TASP1: variants seen among roughly 807,000 people sequenced by gnomAD.
TASP1 encodes threonine aspartase 1.
In TASP1, 16 loss-of-function variants were observed where a neutral mutation model predicts 56.6. That is an observed-to-expected ratio of 0.28 (90% CI 0.19 to 0.43). The LOEUF is 0.43. Among genes scored for constraint, TASP1 ranks in the 20% least tolerant of loss-of-function variants. The probability of loss-of-function intolerance (pLI) is 1.00; values close to 1 mark genes in which losing one functional copy is unlikely to be tolerated. For missense variants in TASP1, 393 were observed against 511.6 expected, an observed-to-expected ratio of 0.77 and a Z score of 2.24; for synonymous variants, 179 against 184.2, an observed-to-expected ratio of 0.97 and a Z score of 0.23.
At chr20:13,557,109 T>C (rs1234346894) in intron 8 of TASP1, among the ~76,000 whole-genome samples, 1 of 152,176 alleles carries the variant, frequency 6.6e-6, no homozygotes, top group Non-Finnish European at 1.5e-5. Flanking sequence ...GTGAAACTCC[T>C]ATATATAAAA....
chr20:13,126,491 T>C, the TASP1 span: 72 of 1,369,220 alleles, frequency 5.3e-5, 1 homozygote, highest in East Asian at 1.7e-3. Context: ...TGAGATCAAA[T>C]GTCTTTTGCT....
At chr20:13,293,401 G>A in the TASP1 span, among the ~76,000 whole-genome samples, 1 of 152,016 alleles carries the variant, frequency 6.6e-6, no homozygotes, top group African/African-American at 2.4e-5. Flanking sequence ...TTGTAGAAGG[G>A]TAAAATTCCT....
At chr20:13,453,269 C>T (rs920606910) in intron 11 of TASP1, among the ~76,000 whole-genome samples, 3 of 152,002 alleles carry the variant, frequency 2.0e-5, no homozygotes, top group Non-Finnish European at 2.9e-5. Context: ...AAGAAACAGA[C>T]CTGAGGGATC....
the TASP1 span, among the ~76,000 whole-genome samples, chr20:13,373,339 A>G: frequency 6.6e-6 from 1 of 152,106 alleles, no homozygotes; most frequent in African/African-American, 2.4e-5. Flanking sequence ...TGCAATTATC[A>G]GTGCTCTTTG....
At chr20:13,128,074 TA>T in the TASP1 span, among the ~76,000 whole-genome samples, 1 of 152,314 alleles carries the variant, frequency 6.6e-6, no homozygotes, top group African/African-American at 2.4e-5. Context: ...AGAAAAACAA[TA>T]TTTATGAGCC....
the TASP1 span, among the ~76,000 whole-genome samples, chr20:13,376,390 T>C: frequency 6.6e-6 from 1 of 152,188 alleles, no homozygotes; most frequent in African/African-American, 2.4e-5. Context: ...GTTGTAGATG[T>C]GTGGCATTAT....
intron 4 of TASP1, among the ~76,000 whole-genome samples, chr20:13,597,889 C>T (rs2047802432): frequency 6.6e-6 from 1 of 152,160 alleles, no homozygotes; most frequent in South Asian, 2.1e-4. Context: ...ACACCAATAA[C>T]AGACAAACAG....
At chr20:13,270,849 C>A in the TASP1 span, 1 of 1,029,756 alleles carries the variant, frequency 9.7e-7, no homozygotes, top group Admixed American at 2.2e-5. Context: ...CTTCTTAACC[C>A]CTTAATGATT....
the TASP1 span, chr20:13,299,046 A>C: frequency 1.8e-5 from 29 of 1,613,762 alleles, no homozygotes; most frequent in Non-Finnish European, 2.4e-5. This position sits in a 1 kb window ranked among gnomAD's most constrained non-coding sequence, Gnocchi z 5.8. Context: ...CTCCTACCCC[A>C]CTGAGGTGGC....
At chr20:13,272,363 C>T in the TASP1 span, among the ~76,000 whole-genome samples, 1 of 152,150 alleles carries the variant, frequency 6.6e-6, no homozygotes, top group Non-Finnish European at 1.5e-5. Context: ...TACCAACCCC[C>T]GCTGTATATA....
the TASP1 span, among the ~76,000 whole-genome samples, chr20:13,148,028 A>C: frequency 3.9e-5 from 6 of 152,254 alleles, no homozygotes; most frequent in South Asian, 1.2e-3. Context: ...GGGGAAATGC[A>C]TTCTCTTTTT....
the TASP1 span, among the ~76,000 whole-genome samples, chr20:13,202,805 G>A: frequency 6.6e-6 from 1 of 152,228 alleles, no homozygotes; most frequent in African/African-American, 2.4e-5. Flanking sequence ...TTTGAACAGA[G>A]TTCGAACAGT....
rs1601416029 is a variant in TASP1 at position 13,605,400 on chromosome 20, T to A, written c.283-18030A>T. ...CTTGACATAAACTAATCAGCCTATA[T>A]ACTAACTTGCCCCTTATAAATAATA... On this transcript the variant is annotated intron_variant, in intron 4 of 13. Transcript: ENST00000337743. 2.0e-5 allele frequency among the ~76,000 whole-genome samples: 3 copies of A among 152,348 alleles called. No individual in the cohort carries two copies. In the South Asian group the frequency reaches 6.2e-4, roughly 32 times the overall value.
chr20:13,334,273 C>T, the TASP1 span, among the ~76,000 whole-genome samples: 2 of 152,152 alleles, frequency 1.3e-5, no homozygotes, highest in South Asian at 4.1e-4. Context: ...GAGAGTGGAA[C>T]TAATATCTAC....
chr20:13,559,357 C>T (rs1467241108), intron 7 of TASP1, among the ~76,000 whole-genome samples: 1 of 151,890 alleles, frequency 6.6e-6, no homozygotes, highest in Non-Finnish European at 1.5e-5. Flanking sequence ...CAGATACTAC[C>T]CTCAGGGCAT....
chr20:13,592,273 T>C (rs1456128190), intron 4 of TASP1, among the ~76,000 whole-genome samples: 1 of 151,902 alleles, frequency 6.6e-6, no homozygotes, highest in Non-Finnish European at 1.5e-5. Context: ...GGCGGGCACC[T>C]GTAATCCCAG....
At chr20:13,450,352 A>C (rs149855228) in intron 11 of TASP1, among the ~76,000 whole-genome samples, 3 of 152,186 alleles carry the variant, frequency 2.0e-5, no homozygotes, top group Admixed American at 2.0e-4. Context: ...TTGCTGCATT[A>C]ATTGACTTCC....
chr20:13,229,904 C>T, the TASP1 span, among the ~76,000 whole-genome samples: 1 of 152,108 alleles, frequency 6.6e-6, no homozygotes, highest in African/African-American at 2.4e-5. Flanking sequence ...TTTCTTCTAC[C>T]TCCTCCATAG....
the TASP1 span, among the ~76,000 whole-genome samples, chr20:13,272,974 G>A: frequency 6.6e-6 from 1 of 152,204 alleles, no homozygotes; most frequent in Non-Finnish European, 1.5e-5. Flanking sequence ...GCATAATGCT[G>A]AGGACTGAGC....
Sources: gnomAD v4.1 joint callset for allele counts (sites outside exome capture counted in the v4.1 genomes callset) on GRCh38, gnomAD v4.1.1 for gene constraint, Gnocchi (gnomAD v3.1) non-coding constraint, MANE v1.5 for transcripts, NCBI Gene and HGNC (gene_info 2026-07-23, HGNC 2026-07-21) for gene names.